SLC24A4: variants seen among roughly 807,000 people sequenced by gnomAD.
SLC24A4 encodes sodium/potassium/calcium exchanger 4.
SLC24A4 carries 53 observed loss-of-function variants against 79.0 expected under a neutral mutation model. That is an observed-to-expected ratio of 0.67 (90% CI 0.54 to 0.84). SLC24A4 has a LOEUF of 0.84. Ranked by LOEUF, SLC24A4 falls within the 40% of genes least tolerant of loss-of-function variation. SLC24A4 has a pLI of 0.00. For missense variants in SLC24A4, 731 were observed against 822.0 expected, an observed-to-expected ratio of 0.89 and a Z score of 1.35; for synonymous variants, 323 against 323.8, an observed-to-expected ratio of 1.00 and a Z score of 0.03.
intron 2 of SLC24A4, among the ~76,000 whole-genome samples, chr14:92,389,987 G>A (rs1595205250): frequency 6.6e-6 from 1 of 152,236 alleles, no homozygotes; most frequent in African/African-American, 2.4e-5. Context: ...CAGTTCTGAT[G>A]CCAGCCGGTC....
intron 2 of SLC24A4, among the ~76,000 whole-genome samples, chr14:92,424,016 G>T (rs577258495): frequency 6.6e-6 from 1 of 152,236 alleles, no homozygotes; most frequent in East Asian, 1.9e-4. Context: ...TCTCCTGGCT[G>T]CCAGCACTCC....
intron 2 of SLC24A4, among the ~76,000 whole-genome samples, chr14:92,341,839 C>G (rs986401667): frequency 3.1e-4 from 47 of 152,188 alleles, no homozygotes; most frequent in Admixed American, 3.0e-3. Flanking sequence ...TTTTCGTTCT[C>G]TAATTTCTGA....
intron 2 of SLC24A4, among the ~76,000 whole-genome samples, chr14:92,392,284 A>G (rs1218166871): frequency 6.6e-6 from 1 of 151,452 alleles, no homozygotes; most frequent in Non-Finnish European, 1.5e-5. Context: ...TCATTTTAGA[A>G]TCATTGAAAG....
At chr14:92,450,391 C>G (rs1383659478) in intron 10 of SLC24A4, 1 of 149,038 alleles carries the variant, frequency 6.7e-6, no homozygotes, top group African/African-American at 2.5e-5. Flanking sequence ...AGGAGTCTCT[C>G]CGTATAGAAG....
At position 92,493,626 on chromosome 14, in the gene SLC24A4, T is replaced by C. The variant is rs1895822191; in HGVS notation, c.1867T>C (p.Ter623GlnextTer2). ...CTTGCCGATGTGCCGGGAAGACGAT[T>C]AGCGCTGAGTCGCGGCCCCTGGGAG... is the stretch of plus-strand genomic sequence containing the variant. Reference protein sequence around the residue: ...VNLPMCREDD* With the variant: ...VNLPMCREDDQ The change falls in exon 17 of 17, where the codon TAG becomes CAG. Residue 623 changes from the stop codon to glutamine, a stop_lost. Coordinates refer to ENST00000532405, the MANE Select transcript of SLC24A4 (RefSeq NM_153646.4). 6.2e-7 allele frequency: 1 copy of C among 1,614,132 alleles called. No individual in the cohort carries two copies. The highest frequency in any genetic ancestry group is 2.2e-5 in the East Asian group (1 of 44,890).
intron 2 of SLC24A4, among the ~76,000 whole-genome samples, chr14:92,374,305 C>T (rs1404050606): frequency 6.6e-6 from 1 of 152,190 alleles, no homozygotes; most frequent in Non-Finnish European, 1.5e-5. Context: ...TTCGAGAAGA[C>T]CAAGGCTCAG....
At position 92,494,157 on chromosome 14, in the gene SLC24A4, C is replaced by T. The variant is rs1418065761; in HGVS notation, c.*529C>T. On this transcript the variant is annotated 3_prime_UTR_variant, in exon 17 of 17. Coordinates refer to ENST00000532405, the MANE Select transcript of SLC24A4 (RefSeq NM_153646.4). This position sits in a 1 kb window ranked among gnomAD's most constrained non-coding sequence, Gnocchi z 4.6. ...AGTTTGGAAGGGGCAAGACCTCAAC[C>T]TGTTGGGGTTTAGGGCCCATGATGG... The T allele has an allele frequency of 6.5e-6, 1 of 153,522 alleles. No homozygotes were observed. Among genetic ancestry groups the T allele is most frequent in the East Asian group, 1.9e-4 (1 of 5,204 alleles). 9.5% of individuals were successfully genotyped at this position (153,522 alleles called of 1,614,324 possible).
chr14:92,493,596 G>A lies in SLC24A4; in HGVS notation c.1837G>A (p.Val613Ile), dbSNP rs4900130. 17,411 of 1,614,132 alleles carry A rather than the reference G, an allele frequency of 0.011. 138 individuals carry two copies. The highest frequency in any genetic ancestry group is 0.012 in the Non-Finnish European group (14,046 of 1,180,008). The part of the protein sequence containing the change: ...IMIEFNVFTF[V>I]NLPMCREDD ...GATAGAGTTTAACGTCTTTACCTTC[G>A]TCAACTTGCCGATGTGCCGGGAAGA... Residue 613 changes from valine (V) to isoleucine (I), a missense_variant, in exon 17 of 17, where the codon GTC becomes ATC. Coordinates refer to ENST00000532405, the MANE Select transcript of SLC24A4 (RefSeq NM_153646.4).
intron 2 of SLC24A4, among the ~76,000 whole-genome samples, chr14:92,339,332 G>A (rs75834400): frequency 0.014 from 2,125 of 152,318 alleles, 48 homozygotes; most frequent in African/African-American, 0.048. Flanking sequence ...AGATGGCATT[G>A]AAGATGGGAA....
chr14:92,474,791 GTGTA>G (rs1337310436), intron 12 of SLC24A4, among the ~76,000 whole-genome samples: 1 of 75,730 alleles, frequency 1.3e-5, no homozygotes, highest in Non-Finnish European at 2.8e-5. Context: ...ATATGTGTGT[GTGTA>G]TATATATACA....
At chr14:92,429,426 G>A (rs1254504410) in intron 2 of SLC24A4, among the ~76,000 whole-genome samples, 1 of 152,100 alleles carries the variant, frequency 6.6e-6, no homozygotes. Flanking sequence ...ATACACATAC[G>A]TTCATTCATA....
At chr14:92,406,481 G>A (rs979290947) in intron 2 of SLC24A4, among the ~76,000 whole-genome samples, 2 of 152,200 alleles carry the variant, frequency 1.3e-5, no homozygotes, top group East Asian at 3.8e-4. Context: ...TTCTCCATGA[G>A]GGCTCTACCC....
chr14:92,459,753 G>A (rs1893690245), intron 12 of SLC24A4, among the ~76,000 whole-genome samples: 1 of 152,118 alleles, frequency 6.6e-6, no homozygotes, highest in Non-Finnish European at 1.5e-5. Context: ...TTCTCGTTTA[G>A]GTGTGTACAG....
intron 2 of SLC24A4, among the ~76,000 whole-genome samples, chr14:92,368,069 C>G (rs907573693): frequency 1.3e-5 from 2 of 152,182 alleles, no homozygotes; most frequent in Non-Finnish European, 2.9e-5. Context: ...ATACGGGAAG[C>G]AGACATATCT....
intron 2 of SLC24A4, among the ~76,000 whole-genome samples, chr14:92,331,867 C>T (rs1016974926): frequency 3.3e-5 from 5 of 152,182 alleles, no homozygotes; most frequent in African/African-American, 9.7e-5. Context: ...GATCTGCTTC[C>T]ACTTACTGAA....
chr14:92,455,768 TC>T (rs1445040941), intron 11 of SLC24A4, among the ~76,000 whole-genome samples: 2 of 152,108 alleles, frequency 1.3e-5, no homozygotes, highest in Non-Finnish European at 2.9e-5. Context: ...AGGCATTATC[TC>T]AGCTCACTGC....
At chr14:92,368,357 T>A (rs546561176) in intron 2 of SLC24A4, among the ~76,000 whole-genome samples, 1 of 152,316 alleles carries the variant, frequency 6.6e-6, no homozygotes, top group East Asian at 1.9e-4. Context: ...GTTGAAAGGA[T>A]AGGAGACATC....
rs1424009219 is a variant in SLC24A4, at chr14:92,499,973, G to A, written c.*6345G>A. 6.6e-6 allele frequency: 1 copy of A among 151,574 alleles called. No homozygotes were observed. 9.4% of individuals were successfully genotyped at this position (151,574 alleles called of 1,614,324 possible). On this transcript the variant is annotated 3_prime_UTR_variant, in exon 17 of 17. Transcript: ENST00000532405. ...TCCTGCCTCAGCCTCCCGAGTAGCT[G>A]GGACTACAGGCGCCTGCCACCACAC...
At chr14:92,324,181 GGCTCAGGACGCGGCT>G in intron 1 of SLC24A4, among the ~76,000 whole-genome samples, 1 of 152,332 alleles carries the variant, frequency 6.6e-6, no homozygotes, top group Non-Finnish European at 1.5e-5. Flanking sequence ...CCCCTGGGGG[GGCTCAGGACGCGGCT>G]GCAGGTGTGT....
Sources: gnomAD v4.1 joint callset for allele counts (sites outside exome capture counted in the v4.1 genomes callset) on GRCh38, gnomAD v4.1.1 for gene constraint, Gnocchi (gnomAD v3.1) non-coding constraint, MANE v1.5 for transcripts, NCBI Gene and HGNC (gene_info 2026-07-23, HGNC 2026-07-21) for gene names.